Variants in PSMA1 observed in about 807,000 individuals in gnomAD.
The protein encoded by PSMA1 is proteasome 20S subunit alpha 1.
A neutral mutation model predicts 38.4 loss-of-function variants in PSMA1; 3 were observed. That is an observed-to-expected ratio of 0.08 (90% CI 0.04 to 0.20). The LOEUF is 0.20. Among genes scored for constraint, PSMA1 ranks in the 10% least tolerant of loss-of-function variants. PSMA1 has a pLI of 1.00. For missense variants in PSMA1, 227 were observed against 325.3 expected (o/e 0.70, Z 2.32); for synonymous variants, 101 against 107.1 (o/e 0.94, Z 0.35).
intron 2 of PSMA1, among the ~76,000 whole-genome samples, chr11:14,581,102 G>T (rs1163055654): frequency 1.3e-5 from 2 of 152,124 alleles, no homozygotes; most frequent in Non-Finnish European, 2.9e-5. Context: ...AAGAAAAGAG[G>T]GATTTGATGT....
chr11:14,587,258 AAGAG>A (rs1852358531), intron 2 of PSMA1, among the ~76,000 whole-genome samples: 1 of 152,136 alleles, frequency 6.6e-6, no homozygotes. Flanking sequence ...TGGAAACGGG[AAGAG>A]AGAAGCCAGG....
chr11:14,516,908 A>C (rs755778533), intron 4 of PSMA1, among the ~76,000 whole-genome samples: 2 of 152,224 alleles, frequency 1.3e-5, no homozygotes, highest in Non-Finnish European at 2.9e-5. Flanking sequence ...CCTGGGTGAG[A>C]GTGAGACTCC....
intron 1 of PSMA1, among the ~76,000 whole-genome samples, chr11:14,628,103 C>T (rs1852939129): frequency 6.6e-6 from 1 of 152,100 alleles, no homozygotes; most frequent in Non-Finnish European, 1.5e-5. Context: ...TTGTGAACTG[C>T]GCATGCAAGG....
At chr11:14,506,643 T>C (rs1419021097) in intron 9 of PSMA1, among the ~76,000 whole-genome samples, 2 of 152,238 alleles carry the variant, frequency 1.3e-5, no homozygotes, top group African/African-American at 4.8e-5. Context: ...GCCATCTTAG[T>C]GTCCAAAGCT....
chr11:14,620,942 C>T (rs1053484844), intron 1 of PSMA1, among the ~76,000 whole-genome samples: 4 of 152,132 alleles, frequency 2.6e-5, no homozygotes, highest in African/African-American at 9.7e-5. Flanking sequence ...AGAATAGCAG[C>T]TTTAAGGCCT....
chr11:14,513,676 T>C lies in PSMA1; in HGVS notation c.438A>G (p.Gln146=), dbSNP rs1046560011. The change falls in exon 7 of 10, where the codon CAA becomes CAG. Residue 146 remains glutamine, a synonymous_variant. Coordinates refer to ENST00000396394, the MANE Select transcript of PSMA1 (RefSeq NM_002786.4). ...GYDDMGPHIF[Q]TCPSANYFDC... ...CAAAATAGTTAGCAGATGGACAGGTTTGGAAAATGTGAGGGCCCATATCCT... is the reference window on the plus strand; with the variant it reads ...CAAAATAGTTAGCAGATGGACAGGTCTGGAAAATGTGAGGGCCCATATCCT... 6 of 1,589,576 alleles carry C rather than the reference T, an allele frequency of 3.8e-6. No homozygotes were observed. Among genetic ancestry groups the C allele is most frequent in the Non-Finnish European group, 5.1e-6 (6 of 1,172,214 alleles).
At chr11:14,631,687 T>C (rs1209322115) in intron 1 of PSMA1, among the ~76,000 whole-genome samples, 2 of 152,240 alleles carry the variant, frequency 1.3e-5, no homozygotes, top group East Asian at 3.8e-4. Flanking sequence ...TAGGTCCGCT[T>C]GGTGCAGAGA....
intron 2 of PSMA1, among the ~76,000 whole-genome samples, chr11:14,604,625 A>G (rs1353143968): frequency 1.3e-5 from 2 of 152,178 alleles, no homozygotes; most frequent in Non-Finnish European, 2.9e-5. Context: ...TGAATATATT[A>G]TGTGATGCTG....
intron 2 of PSMA1, among the ~76,000 whole-genome samples, chr11:14,560,514 A>C (rs1263277628): frequency 1.3e-5 from 2 of 152,084 alleles, no homozygotes; most frequent in South Asian, 4.1e-4. Flanking sequence ...TTACCATCAA[A>C]ATTGGGCAAA....
chr11:14,621,126 T>G (rs1852838712), intron 1 of PSMA1, among the ~76,000 whole-genome samples: 1 of 152,214 alleles, frequency 6.6e-6, no homozygotes, highest in Non-Finnish European at 1.5e-5. Flanking sequence ...ATGGAAATAG[T>G]CATTTAGGTA....
chr11:14,633,836 C>G (rs1439291550), intron 1 of PSMA1, among the ~76,000 whole-genome samples: 1 of 152,162 alleles, frequency 6.6e-6, no homozygotes, highest in Admixed American at 6.5e-5. Flanking sequence ...GATATAATCT[C>G]GTGATGCGCC....
chr11:14,610,938 T>C lies in PSMA1; in HGVS notation c.21+28A>G, dbSNP rs145833259. On this transcript the variant is annotated intron_variant, in intron 2 of 10. Transcript: ENST00000418988. ...AGATGTGAAATCTATGCATTCTGTG[T>C]TTTATCAAAAAGCAAAGATATTCTC... 334 of 1,608,822 alleles carry C rather than the reference T, an allele frequency of 2.1e-4. 1 individual carries two copies. In the African/African-American group the frequency reaches 3.9e-3, roughly 19 times the overall value.
chr11:14,598,442 C>CA (rs1852531346), intron 2 of PSMA1, among the ~76,000 whole-genome samples: 1 of 152,088 alleles, frequency 6.6e-6, no homozygotes, highest in Admixed American at 6.6e-5. Flanking sequence ...GTATTGGTTG[C>CA]ATATATATTT....
At chr11:14,580,345 G>A (rs556374413) in intron 2 of PSMA1, among the ~76,000 whole-genome samples, 4 of 152,234 alleles carry the variant, frequency 2.6e-5, no homozygotes, top group African/African-American at 7.2e-5. Context: ...TGAACATGCT[G>A]TTCCATCTGC....
chr11:14,614,477 T>C (rs1053671649), intron 1 of PSMA1, among the ~76,000 whole-genome samples: 1 of 152,150 alleles, frequency 6.6e-6, no homozygotes, highest in African/African-American at 2.4e-5. Context: ...GAGCCTGGCC[T>C]TCTACTGTTC....
At chr11:14,597,546 C>T (rs1165956677) in intron 2 of PSMA1, among the ~76,000 whole-genome samples, 2 of 152,066 alleles carry the variant, frequency 1.3e-5, no homozygotes, top group Non-Finnish European at 2.9e-5. Flanking sequence ...GTGTTTATAG[C>T]ATTCTCTGAT....
At chr11:14,539,440 A>G (rs937272077) in intron 2 of PSMA1, among the ~76,000 whole-genome samples, 1 of 152,236 alleles carries the variant, frequency 6.6e-6, no homozygotes, top group African/African-American at 2.4e-5. Context: ...AAAGAAAAAA[A>G]AGAAATCTAC....
Position 14,560,122 on chromosome 11 carries a change from T to A in PSMA1, c.22-41081A>T, listed in dbSNP as rs572123925. ...ATCAGGAGATAAATTATATGAGAGC[T>A]ATCAGTGGCCAATATTCCTAGTAGT... On this transcript the variant is annotated intron_variant, in intron 2 of 10. Coordinates refer to the PSMA1 transcript ENST00000418988. Among the ~76,000 whole-genome samples, 7 of 152,298 alleles carry A rather than the reference T, an allele frequency of 4.6e-5. No homozygotes were observed. The East Asian group carries it at 1.3e-3, about 29-fold the overall frequency.
At chr11:14,551,812 T>C (rs1467259375) in intron 2 of PSMA1, among the ~76,000 whole-genome samples, 1 of 152,210 alleles carries the variant, frequency 6.6e-6, no homozygotes, top group Non-Finnish European at 1.5e-5. Context: ...GGGCTAGCCA[T>C]ATGGATGTAA....
Sources: allele counts gnomAD v4.1 joint callset (sites outside exome capture counted in the v4.1 genomes callset), GRCh38; gene constraint gnomAD v4.1.1; transcripts MANE v1.5; gene names NCBI Gene and HGNC (gene_info 2026-07-23, HGNC 2026-07-21).